DLGAP1: variants seen among roughly 807,000 people sequenced by gnomAD.
DLGAP1 encodes the protein disks large-associated protein 1.
DLGAP1 carries 11 observed loss-of-function variants against 90.8 expected under a neutral mutation model. The observed-to-expected ratio is 0.12, with a 90% CI of 0.08 to 0.20. DLGAP1 has a LOEUF of 0.20. DLGAP1 is among the 10% of genes least tolerant of loss of function. DLGAP1 has a pLI of 1.00. For missense variants in DLGAP1, 1,050 were observed against 1,333.8 expected (o/e 0.79, Z 3.31); for synonymous variants, 558 against 540.7 (o/e 1.03, Z -0.44).
intron 1 of DLGAP1, among the ~76,000 whole-genome samples, chr18:4,384,336 A>G (rs1375537844): frequency 6.6e-6 from 1 of 152,134 alleles, no homozygotes; most frequent in African/African-American, 2.4e-5. Flanking sequence ...TAGCACCTGG[A>G]TCTTAGTAAG....
intron 5 of DLGAP1, among the ~76,000 whole-genome samples, chr18:3,795,128 C>T (rs1345062628): frequency 6.6e-6 from 1 of 152,174 alleles, no homozygotes; most frequent in Non-Finnish European, 1.5e-5. Flanking sequence ...ATAACTCATT[C>T]TAGCCAGGAT....
At chr18:3,681,726 T>C (rs2060519504) in intron 7 of DLGAP1, among the ~76,000 whole-genome samples, 1 of 152,142 alleles carries the variant, frequency 6.6e-6, no homozygotes, top group African/African-American at 2.4e-5. Context: ...TGGGGCCTTG[T>C]GGGGAGTGAT....
chr18:3,565,910 C>A lies in DLGAP1; in HGVS notation c.2057+1580G>T, dbSNP rs1446672919. ...ACTTTTCAGAGTAAAAGAAAAAAGT[C>A]ACTCCTAAACCTACCATTTGTACGT... On this transcript the variant is annotated intron_variant, in intron 9 of 12. Transcript: ENST00000315677. This position sits in a 1 kb window ranked among gnomAD's most constrained non-coding sequence, Gnocchi z 4.0. Among the ~76,000 whole-genome samples the A allele has an allele frequency of 6.6e-6, 1 of 151,966 alleles. No homozygotes were observed. The highest frequency in any genetic ancestry group is 2.4e-5 in the African/African-American group (1 of 41,370).
chr18:4,010,332 C>A (rs1434039794), intron 2 of DLGAP1, among the ~76,000 whole-genome samples: 1 of 152,018 alleles, frequency 6.6e-6, no homozygotes, highest in African/African-American at 2.4e-5. Flanking sequence ...ATTGCTAGAG[C>A]GTATGAGTTC....
At chr18:3,842,320 A>T (rs2068763620) in intron 4 of DLGAP1, among the ~76,000 whole-genome samples, 1 of 152,172 alleles carries the variant, frequency 6.6e-6, no homozygotes, top group African/African-American at 2.4e-5. Flanking sequence ...CATACTCTCT[A>T]AGTCATGTTT....
intron 5 of DLGAP1, among the ~76,000 whole-genome samples, chr18:3,806,890 T>A (rs1209842254): frequency 1.3e-5 from 2 of 152,148 alleles, no homozygotes; most frequent in East Asian, 1.9e-4. Flanking sequence ...TGGTCTGCCA[T>A]CCTTTGAAGA....
rs542580301 is a variant in DLGAP1, at chr18:4,195,291, C to T, written c.-266-44004G>A. 4.0e-5 allele frequency among the ~76,000 whole-genome samples: 6 copies of T among 151,830 alleles called. No individual in the cohort carries two copies. In the East Asian group the frequency reaches 7.7e-4, roughly 20 times the overall value. ...GACTTTGAACTTTTTTTTTTAACTT[C>T]GTGAGCAACTATGCTTGGATAAACA... On this transcript the variant is annotated intron_variant, in intron 1 of 12. Coordinates refer to ENST00000315677, the MANE Select transcript of DLGAP1 (RefSeq NM_004746.4).
chr18:3,664,212 ACACACC>A (rs879741326), intron 7 of DLGAP1, among the ~76,000 whole-genome samples: 14,432 of 126,894 alleles, frequency 0.11, 842 homozygotes, highest in Non-Finnish European at 0.13. Flanking sequence ...ACACACACAC[ACACACC>A]CACACACACA....
intron 7 of DLGAP1, among the ~76,000 whole-genome samples, chr18:3,664,989 A>T (rs1110731): frequency 0.34 from 51,995 of 151,950 alleles, 11,493 homozygotes; most frequent in African/African-American, 0.64. Flanking sequence ...TGGTCCTACT[A>T]TGCTATTGTC....
intron 10 of DLGAP1, among the ~76,000 whole-genome samples, chr18:3,522,587 G>A (rs1429118890): frequency 7.9e-6 from 1 of 126,376 alleles, no homozygotes; most frequent in African/African-American, 3.2e-5. Context: ...CTGTCGCCCA[G>A]GCTGCAGTGA....
chr18:4,067,220 A>G (rs2075383093), intron 2 of DLGAP1, among the ~76,000 whole-genome samples: 1 of 152,064 alleles, frequency 6.6e-6, no homozygotes, highest in Admixed American at 6.6e-5. Flanking sequence ...AAAACAACTA[A>G]TGTGTACGGG....
intron 1 of DLGAP1, among the ~76,000 whole-genome samples, chr18:4,389,360 G>A (rs906313792): frequency 2.6e-5 from 4 of 152,244 alleles, no homozygotes; most frequent in Admixed American, 2.0e-4. Context: ...CAAGGGGTAC[G>A]GGTAGGGGAA....
At chr18:3,575,503 C>T (rs1276883410) in intron 8 of DLGAP1, among the ~76,000 whole-genome samples, 1 of 152,114 alleles carries the variant, frequency 6.6e-6, no homozygotes, top group African/African-American at 2.4e-5. Flanking sequence ...GTCAGAATTA[C>T]TCTTGAGAGA....
chr18:4,031,551 G>A (rs535237437), intron 2 of DLGAP1, among the ~76,000 whole-genome samples: 1 of 152,266 alleles, frequency 6.6e-6, no homozygotes, highest in African/African-American at 2.4e-5. Flanking sequence ...GGCAGTTGAT[G>A]GGAAATAAGC....
intron 3 of DLGAP1, among the ~76,000 whole-genome samples, chr18:3,886,692 G>A (rs1446410214): frequency 1.3e-5 from 2 of 152,100 alleles, no homozygotes; most frequent in African/African-American, 4.8e-5. Context: ...TCCATGCCAG[G>A]TTATAACATA....
At chr18:3,736,641 G>A (rs909027818) in intron 6 of DLGAP1, among the ~76,000 whole-genome samples, 2 of 152,156 alleles carry the variant, frequency 1.3e-5, no homozygotes, top group African/African-American at 2.4e-5. Flanking sequence ...CAGTAGCATT[G>A]CTTTGAAGAG....
intron 2 of DLGAP1, among the ~76,000 whole-genome samples, chr18:4,085,558 C>T (rs2075670417): frequency 1.3e-5 from 2 of 152,044 alleles, no homozygotes; most frequent in Admixed American, 1.3e-4. Flanking sequence ...CTGGACTGAC[C>T]CAGGGAAAGG....
chr18:3,797,760 A>G (rs2066074508), intron 5 of DLGAP1, among the ~76,000 whole-genome samples: 1 of 152,162 alleles, frequency 6.6e-6, no homozygotes, highest in Non-Finnish European at 1.5e-5. Flanking sequence ...GTACTAGGGA[A>G]AACAATCTGG....
Position 3,880,092 on chromosome 18 carries a change from GGT to G in DLGAP1, c.-26_-25del. ...ATGGCGGACCGGAAGCAGCCGCCAG[GGT>G]CATGGACACCCGGAAGTCAGGCTCC... is the stretch of plus-strand genomic sequence containing the variant. On this transcript the variant is annotated 5_prime_UTR_variant, in exon 4 of 13. Coordinates refer to ENST00000315677, the MANE Select transcript of DLGAP1 (RefSeq NM_004746.4). 1 of 1,593,610 alleles carries G rather than the reference GGT, an allele frequency of 6.3e-7. No homozygotes were observed. Among genetic ancestry groups the G allele is most frequent in the Admixed American group, 1.7e-5 (1 of 59,888 alleles).
Sources: allele counts gnomAD v4.1 joint callset (sites outside exome capture counted in the v4.1 genomes callset), GRCh38; gene constraint gnomAD v4.1.1; non-coding constraint Gnocchi (gnomAD v3.1); transcripts MANE v1.5; gene names NCBI Gene and HGNC (gene_info 2026-07-23, HGNC 2026-07-21).